The following SETX variants were observed in gnomAD, a reference collection of about 807,000 sequenced individuals.
SETX encodes helicase senataxin.
A neutral mutation model predicts 227.2 loss-of-function variants in SETX; 90 were observed. The ratio of observed to expected loss-of-function variants is 0.40; its 90% CI spans 0.33 to 0.47. SETX has a LOEUF of 0.47. SETX is among the 20% of genes least tolerant of loss of function. The pLI is 0.91. For synonymous variants in SETX, 1,210 were observed against 1,113.2 expected (o/e 1.09, Z -1.73); for missense variants, 3,052 against 3,181.5 (o/e 0.96, Z 0.98).
At chr9:132,266,130 C>T (rs966437336) in intron 25 of SETX, 1 of 152,238 alleles carries the variant, frequency 6.6e-6, no homozygotes, top group Non-Finnish European at 1.5e-5. Flanking sequence ...TAGCTACCCT[C>T]TCATGGGGGC....
intron 3 of SETX, among the ~76,000 whole-genome samples, chr9:132,349,043 A>G (rs1848464566): frequency 6.6e-6 from 1 of 151,902 alleles, no homozygotes; most frequent in Non-Finnish European, 1.5e-5. Flanking sequence ...GTAAAATGAT[A>G]TATGTATAAT....
rs529004506 is a variant in SETX, at chr9:132,300,521, C to T, written c.5548+109G>A. The T allele has an allele frequency of 4.5e-5, 57 of 1,259,502 alleles. No homozygotes were observed. In the African/African-American group the frequency reaches 7.3e-4, roughly 16 times the overall value. 78.0% of individuals were successfully genotyped at this position (1,259,502 alleles called of 1,614,324 possible). On this transcript the variant is annotated intron_variant, in intron 12 of 25. Transcript: ENST00000224140. ...GGCCATGTAATCAACATAGCAAAAA[C>T]ATGTTCGGTAAATGTCTATCAAATA...
rs896838686 is a variant in SETX, at chr9:132,283,487, A to G, written c.6397-74T>C. On this transcript the variant is annotated intron_variant, in intron 18 of 25. Coordinates refer to ENST00000224140, the MANE Select transcript of SETX (RefSeq NM_015046.7). ...ACTATGACAGGCCTATGTTTACTATAAAACACTCACTATTTATTAAAATAG... is the reference window on the plus strand; with the variant it reads ...ACTATGACAGGCCTATGTTTACTATGAAACACTCACTATTTATTAAAATAG... 2.0e-6 allele frequency: 3 copies of G among 1,519,848 alleles called. No individual in the cohort carries two copies. In the Admixed American group the frequency reaches 5.0e-5, roughly 25 times the overall value. 94.1% of individuals were successfully genotyped at this position (1,519,848 alleles called of 1,614,324 possible). A position where few individuals can be genotyped will look rare whatever the true frequency, so the allele number is the denominator to read the frequency against.
chr9:132,305,353 CA>C (rs144880539), intron 11 of SETX, among the ~76,000 whole-genome samples: 3,820 of 70,008 alleles, frequency 0.055, 32 homozygotes, highest in Non-Finnish European at 0.076. Context: ...GACTCCGTCT[CA>C]AAAAAAAAAA....
At chr9:132,356,109 C>T (rs1453212236), upstream of SETX, among the ~76,000 whole-genome samples, 1 of 151,964 alleles carries the variant, frequency 6.6e-6, no homozygotes, top group Non-Finnish European at 1.5e-5. Flanking sequence ...GTGACTGTGC[C>T]ACTACACTCC....
rs1842564211 is a variant in SETX, at chr9:132,264,893, C to T, written c.7380G>A (p.Val2460=). 1 of 1,614,092 alleles carries T rather than the reference C, an allele frequency of 6.2e-7. No individual in the cohort carries two copies. Among genetic ancestry groups the T allele is most frequent in the East Asian group, 2.2e-5 (1 of 44,874 alleles). Residue 2460 remains valine (V), a synonymous_variant, in exon 26 of 26, where the codon GTG becomes GTA. Transcript: ENST00000224140. ...TCDKNYRHDA[V]KILKLKPVLQ... ...GCACAGGCTTGAGTTTCAGAATCTTCACTGCATCATGTCTATAGTTTTTGT... is the reference window on the plus strand; with the variant it reads ...GCACAGGCTTGAGTTTCAGAATCTTTACTGCATCATGTCTATAGTTTTTGT...
intron 10 of SETX, among the ~76,000 whole-genome samples, chr9:132,323,447 A>C (rs1180779190): frequency 6.6e-6 from 1 of 152,218 alleles, no homozygotes; most frequent in African/African-American, 2.4e-5. Context: ...AATAACAAAA[A>C]TGGATCTAAA....
intron 4 of SETX, among the ~76,000 whole-genome samples, chr9:132,344,641 G>A (rs553312593): frequency 3.7e-4 from 57 of 152,282 alleles, no homozygotes; most frequent in Middle Eastern, 3.4e-3. Context: ...TTAGGAGGCC[G>A]AGGTGGGCGG....
chr9:132,307,260 AT>A (rs142544735), intron 11 of SETX, among the ~76,000 whole-genome samples: 2,134 of 152,238 alleles, frequency 0.014, 53 homozygotes, highest in African/African-American at 0.049. Context: ...TCTCAAAAAA[AT>A]AATAATAATA....
At chr9:132,348,439 T>G (rs564082767) in intron 3 of SETX, among the ~76,000 whole-genome samples, 20 of 151,066 alleles carry the variant, frequency 1.3e-4, no homozygotes, top group African/African-American at 4.4e-4. Context: ...TACATGCATG[T>G]ATTATAGCAC....
chr9:132,336,404 G>A lies in SETX; in HGVS notation c.610C>T (p.Leu204Phe). The change falls in exon 6 of 26, where the codon CTT becomes TTT. Residue 204 changes from leucine (L) to phenylalanine (F), a missense_variant. Around this residue, in one of 10 missense-constraint regions of SETX, gnomAD observed 239 missense variants for 240.8 expected, o/e 0.99. Transcript: ENST00000224140. ...LCLFKVIELG[L>F]LESPDIYTSS... is the part of the protein sequence containing the mutation. ...GTATAAATGTCTGGACTCTCTAAAA[G>A]CCCCAACTCAATGACTTTAAAAAGG... is the stretch of plus-strand genomic sequence containing the variant. 1 of 1,613,822 alleles carries A rather than the reference G, an allele frequency of 6.2e-7. No homozygotes were observed. The highest frequency in any genetic ancestry group is 8.5e-7 in the Non-Finnish European group (1 of 1,179,790).
At chr9:132,307,450 T>C (rs761640461) in intron 11 of SETX, among the ~76,000 whole-genome samples, 1 of 152,122 alleles carries the variant, frequency 6.6e-6, no homozygotes. Context: ...CAGATTGGTG[T>C]TGAAATACTG....
intron 12 of SETX, among the ~76,000 whole-genome samples, chr9:132,299,073 A>G (rs1212829766): frequency 6.6e-6 from 1 of 152,246 alleles, no homozygotes; most frequent in East Asian, 1.9e-4. Context: ...AGGCACTAGT[A>G]GACGTGGGAA....
chr9:132,281,444 C>T (rs1843495542), intron 20 of SETX, 23 bp downstream of exon 20: 1 of 1,556,466 alleles, frequency 6.4e-7, no homozygotes, highest in South Asian at 1.1e-5. Context: ...CATTTTAAAG[C>T]AATCTGAACA....
At chr9:132,320,279 C>A (rs1055833236) in intron 10 of SETX, among the ~76,000 whole-genome samples, 5 of 150,790 alleles carry the variant, frequency 3.3e-5, no homozygotes, top group Admixed American at 6.6e-5. Context: ...TTGGTAACCC[C>A]AAAAAAAAAG....
rs1181792498 is a variant in SETX, at chr9:132,300,765, G to C, written c.5413C>G (p.Pro1805Ala). The C allele has an allele frequency of 6.2e-7, 1 of 1,613,260 alleles. No homozygotes were observed. Among genetic ancestry groups the C allele is most frequent in the Non-Finnish European group, 8.5e-7 (1 of 1,179,868 alleles). ...AAAAACACCAAATCGTTTTCCTTTG[G>C]ATAAAGCTGTTTAGCCAGTTCACAT... ...EECELAKQLY[P>A]KENDLVFLAP... Residue 1805 changes from proline (P) to alanine (A), a missense_variant, in exon 12 of 26, where the codon CCA becomes GCA. Pro to Ala is a conservative substitution (Grantham distance 27). This residue lies in a region of SETX where 239 missense variants were observed against 272.1 expected (regional missense o/e 0.88). Transcript: ENST00000224140.
rs762808367 is a variant in SETX, at chr9:132,326,590, G to T, written c.5008C>A (p.Gln1670Lys). Residue 1670 changes from glutamine to lysine, a missense_variant, in exon 10 of 26, where the codon CAA becomes AAA. Around this residue, in one of 10 missense-constraint regions of SETX, gnomAD observed 1,483 missense variants for 1,312.0 expected, o/e 1.13. Coordinates refer to ENST00000224140, the MANE Select transcript of SETX (RefSeq NM_015046.7). ...HPQSPNNSNRQGCKVPFGESK... is the reference protein window; with the variant it reads ...HPQSPNNSNRKGCKVPFGESK... ...TCACCAAATGGAACTTTGCAACCTT[G>T]CCTGTTGGAATTATTCGGAGACTGA... 3 of 1,614,192 alleles carry T rather than the reference G, an allele frequency of 1.9e-6. No homozygotes were observed. Among genetic ancestry groups the T allele is most frequent in the Admixed American group, 3.3e-5 (2 of 60,022 alleles).
At chr9:132,310,028 T>C (rs1329629013) in intron 11 of SETX, among the ~76,000 whole-genome samples, 1 of 151,962 alleles carries the variant, frequency 6.6e-6, no homozygotes, top group Non-Finnish European at 1.5e-5. Flanking sequence ...TAAGTCAAAG[T>C]GAGGAAATGA....
In SETX at chr9:132,271,763, C is replaced by G; in HGVS notation, c.7146G>C (p.Lys2382Asn). Residue 2382 changes from lysine (K) to asparagine (N), a missense_variant, in exon 24 of 26, where the codon AAG becomes AAC. Physicochemically the swap from Lys to Asn is moderately conservative, Grantham distance 94. Coordinates refer to ENST00000224140, the MANE Select transcript of SETX (RefSeq NM_015046.7). Reference protein sequence around the residue: ...DTVDAFQGRQKDCVIVTCVRA... With the variant: ...DTVDAFQGRQNDCVIVTCVRA... Reference sequence around the variant, plus strand: ...TGACACACGTAACAATAACACAATCCTTCTGCCGACCCTGGAATGCATCCA... The same window carrying G: ...TGACACACGTAACAATAACACAATCGTTCTGCCGACCCTGGAATGCATCCA... 4 of 1,614,174 alleles carry G rather than the reference C, an allele frequency of 2.5e-6. No individual in the cohort carries two copies. Among genetic ancestry groups the G allele is most frequent in the Non-Finnish European group, 3.4e-6 (4 of 1,180,022 alleles).
Sources: allele counts gnomAD v4.1 joint callset (sites outside exome capture counted in the v4.1 genomes callset), GRCh38; gene constraint gnomAD v4.1.1; regional missense constraint gnomAD v4.1.1; transcripts MANE v1.5; gene names NCBI Gene and HGNC (gene_info 2026-07-23, HGNC 2026-07-21).